METRNL: variants seen among roughly 807,000 people sequenced by gnomAD.
METRNL encodes the protein meteorin like, glial cell differentiation regulator.
In METRNL, 9 loss-of-function variants were observed where a neutral mutation model predicts 17.4. The ratio of observed to expected loss-of-function variants is 0.52; its 90% CI spans 0.31 to 0.90. The LOEUF (loss-of-function observed/expected upper bound fraction) is 0.90, where lower values mean the gene tolerates loss of function less well. Ranked by LOEUF, METRNL falls within the 40% of genes least tolerant of loss-of-function variation. The pLI, the probability that METRNL is intolerant of heterozygous loss-of-function variation, is 0.05. For missense variants in METRNL, 408 were observed against 430.7 expected (o/e 0.95, Z 0.47); for synonymous variants, 215 against 199.3 (o/e 1.08, Z -0.66).
At chr17:83,091,016 G>A (rs535984668) in intron 2 of METRNL, among the ~76,000 whole-genome samples, 26 of 152,216 alleles carry the variant, frequency 1.7e-4, no homozygotes, top group East Asian at 3.9e-4. Flanking sequence ...ATAGGAGAGC[G>A]CACCGGGCGG....
chr17:83,089,779 C>A (rs190802201), intron 2 of METRNL, among the ~76,000 whole-genome samples: 1 of 152,172 alleles, frequency 6.6e-6, no homozygotes, highest in Non-Finnish European at 1.5e-5. Flanking sequence ...CTGCATTCTC[C>A]GTGAAGGTGA....
intron 2 of METRNL, 114 bp from the exon 3 acceptor site, chr17:83,093,053 G>A: frequency 2.4e-6 from 2 of 824,588 alleles, no homozygotes; most frequent in Non-Finnish European, 4.0e-6. Flanking sequence ...GCCTTGACGT[G>A]GACACCCTCC....
chr17:83,091,916 C>T (rs1241820455), intron 2 of METRNL, among the ~76,000 whole-genome samples: 1 of 152,214 alleles, frequency 6.6e-6, no homozygotes, highest in Admixed American at 6.5e-5. Flanking sequence ...ATAATAAAAC[C>T]ATGTTTTCCA....
chr17:83,081,685 A>C (rs900555340), intron 1 of METRNL, among the ~76,000 whole-genome samples: 27 of 150,386 alleles, frequency 1.8e-4, no homozygotes, highest in South Asian at 4.2e-4. Context: ...CACACAGGGG[A>C]CCCCCCCCAA....
chr17:83,094,286 A>C lies in METRNL; in HGVS notation c.647A>C (p.His216Pro). 1 of 1,585,048 alleles carries C rather than the reference A, an allele frequency of 6.3e-7. No homozygotes were observed. The highest frequency in any genetic ancestry group is 8.6e-7 in the Non-Finnish European group (1 of 1,158,620). Reference sequence around the variant, plus strand: ...CGAGGCTCCATCCAGCAAGTTACCCACGAGCCTGAGCGGCAGGACTCAGCC... The same window carrying C: ...CGAGGCTCCATCCAGCAAGTTACCCCCGAGCCTGAGCGGCAGGACTCAGCC... Reference protein sequence around the residue: ...AVRGSIQQVTHEPERQDSAIH... With the variant: ...AVRGSIQQVTPEPERQDSAIH... The change falls in exon 4 of 4, where the codon CAC (histidine) becomes CCC (proline). Residue 216 changes from histidine to proline, a missense_variant. Coordinates refer to ENST00000320095, the MANE Select transcript of METRNL (RefSeq NM_001004431.3).
intron 2 of METRNL, among the ~76,000 whole-genome samples, chr17:83,086,377 C>T (rs1366408819): frequency 1.3e-5 from 2 of 152,234 alleles, no homozygotes; most frequent in Admixed American, 6.5e-5. Context: ...GGCCTCAGCA[C>T]CCGCAGGGCT....
chr17:83,085,846 C>A (rs999290058), intron 2 of METRNL, among the ~76,000 whole-genome samples: 1 of 152,210 alleles, frequency 6.6e-6, no homozygotes, highest in Non-Finnish European at 1.5e-5. Flanking sequence ...TCTGTGGTGT[C>A]GGCTAAAGAC....
At chr17:83,094,208 T>C (rs1279655231) in intron 3 of METRNL, 48 bp from the exon 4 acceptor site, 1 of 1,472,118 alleles carries the variant, frequency 6.8e-7, no homozygotes, top group Non-Finnish European at 9.2e-7. Context: ...GGTCTTGCTG[T>C]GTGCTTGCCT....
chr17:83,080,908 TCGAGCGAAG>T (rs1471693735), intron 1 of METRNL, among the ~76,000 whole-genome samples: 1 of 150,146 alleles, frequency 6.7e-6, no homozygotes. Flanking sequence ...CGCGGTGATG[TCGAGCGAAG>T]CTGTTTTCCG....
Position 83,082,256 on chromosome 17 carries a change from C to A in METRNL, c.170+2271C>A, listed in dbSNP as rs1467472968. On this transcript the variant is annotated intron_variant, in intron 1 of 3. Coordinates refer to ENST00000320095, the MANE Select transcript of METRNL (RefSeq NM_001004431.3). ...AGGTGGGGAAAGGAAAGTTAACCTGCCAGTGGGTTCGAAGCCCTTCCTGAC... is the reference window on the plus strand; with the variant it reads ...AGGTGGGGAAAGGAAAGTTAACCTGACAGTGGGTTCGAAGCCCTTCCTGAC... 8 of 985,304 alleles carry A rather than the reference C, an allele frequency of 8.1e-6. No individual in the cohort carries two copies. The Admixed American group carries it at 2.5e-4, about 30-fold the overall frequency. The allele number at this position is 985,304 out of a possible 1,614,324, so 61.0% of individuals were successfully genotyped here.
chr17:83,086,613 G>A (rs1005911956), intron 2 of METRNL, among the ~76,000 whole-genome samples: 1 of 152,184 alleles, frequency 6.6e-6, no homozygotes, highest in African/African-American at 2.4e-5. Context: ...AGAAGGTGCC[G>A]GGCCAGATGT....
At chr17:83,080,802 C>T (rs988529232) in intron 1 of METRNL, among the ~76,000 whole-genome samples, 1 of 150,366 alleles carries the variant, frequency 6.7e-6, no homozygotes, top group African/African-American at 2.4e-5. Context: ...ACGCGCGCCT[C>T]CCGGAGAGCC....
chr17:83,080,603 T>G (rs1386957179), intron 1 of METRNL, among the ~76,000 whole-genome samples: 1 of 60,306 alleles, frequency 1.7e-5, no homozygotes, highest in Non-Finnish European at 4.2e-5. Flanking sequence ...GCCGAGGACT[T>G]TTTTTTTTTT....
chr17:83,081,906 A>AC (rs1033182343), intron 1 of METRNL, among the ~76,000 whole-genome samples: 4 of 152,094 alleles, frequency 2.6e-5, no homozygotes, highest in Non-Finnish European at 5.9e-5. Context: ...CCTGCCTGCT[A>AC]CCCTCCGGTG....
intron 2 of METRNL, among the ~76,000 whole-genome samples, chr17:83,091,341 G>T (rs1436296307): frequency 6.6e-6 from 1 of 152,226 alleles, no homozygotes; most frequent in Non-Finnish European, 1.5e-5. Flanking sequence ...CAGGCACTGA[G>T]CCCGGCTGGG....
In METRNL at chr17:83,095,044, A is replaced by G. The variant is rs2038187871; in HGVS notation, c.*469A>G. On this transcript the variant is annotated 3_prime_UTR_variant, in exon 4 of 4. Coordinates refer to ENST00000320095, the MANE Select transcript of METRNL (RefSeq NM_001004431.3). ...ATAATACGTTTTTTATTTTCATTTT[A>G]TTTTTAAAGGATGAGCTTTGGTCCT... 3 of 156,648 alleles carry G rather than the reference A, an allele frequency of 1.9e-5. No homozygotes were observed. Among genetic ancestry groups the G allele is most frequent in the Non-Finnish European group, 4.2e-5 (3 of 71,238 alleles). 9.7% of individuals were successfully genotyped at this position (156,648 alleles called of 1,614,324 possible).
rs752183689 is a variant in METRNL, at chr17:83,094,406, C to T, written c.767C>T (p.Thr256Met). 1.4e-5 allele frequency: 23 copies of T among 1,609,574 alleles called. No homozygotes were observed. Among genetic ancestry groups the T allele is most frequent in the Admixed American group, 1.7e-5 (1 of 59,742 alleles). ...GDGHWQGRVR[T>M]LLECGVRPGH... ...GGCCACTGGCAGGGGCGCGTCAGGA[C>T]GCTGCTGGAGTGTGGCGTGCGGCCG... Residue 256 changes from threonine to methionine, a missense_variant, in exon 4 of 4, where the codon ACG becomes ATG. Thr to Met is a moderately conservative substitution (Grantham distance 81, BLOSUM62 -1). Transcript: ENST00000320095.
Position 83,094,245 on chromosome 17 carries a change from TC to T in METRNL, c.617-7del. 2 of 1,552,304 alleles carry T rather than the reference TC, an allele frequency of 1.3e-6. No homozygotes were observed. The highest frequency in any genetic ancestry group is 4.6e-5 in the East Asian group (2 of 43,372). On this transcript the variant is annotated splice_polypyrimidine_tract_variant and intron_variant, in intron 3 of 3. Coordinates refer to ENST00000320095, the MANE Select transcript of METRNL (RefSeq NM_001004431.3). The stretch of plus-strand genomic sequence containing the variant: ...TGCTCACTCCCTGTCCCCATCTCCT[TC>T]CCCGCACAGCCGTTCGAGGCTCCAT...
intron 2 of METRNL, among the ~76,000 whole-genome samples, chr17:83,089,471 C>G (rs2038090911): frequency 1.3e-5 from 2 of 152,174 alleles, no homozygotes; most frequent in African/African-American, 4.8e-5. Flanking sequence ...GGTCCTGCCT[C>G]TCTACTTAAC....
Sources: gnomAD v4.1 joint callset for allele counts (sites outside exome capture counted in the v4.1 genomes callset) on GRCh38, gnomAD v4.1.1 for gene constraint, MANE v1.5 for transcripts, NCBI Gene and HGNC (gene_info 2026-07-23, HGNC 2026-07-21) for gene names.